Variants in MARCHF1 observed in about 807,000 individuals in gnomAD.
MARCHF1 encodes the protein E3 ubiquitin-protein ligase MARCHF1.
In MARCHF1, 40 loss-of-function variants were observed where a neutral mutation model predicts 54.2. The ratio of observed to expected loss-of-function variants is 0.74; its 90% CI spans 0.57 to 0.96. The LOEUF (loss-of-function observed/expected upper bound fraction) is 0.96, where lower values mean the gene tolerates loss of function less well. Among genes scored for constraint, MARCHF1 ranks in the 40% least tolerant of loss-of-function variants. The probability of loss-of-function intolerance (pLI) is 0.00; values close to 1 mark genes in which losing one functional copy is unlikely to be tolerated. For missense variants in MARCHF1, 586 were observed against 656.5 expected (o/e 0.89, Z 1.17); for synonymous variants, 236 against 236.3 (o/e 1.00, Z 0.01).
rs546431053 is a variant in MARCHF1 at position 164,202,144 on chromosome 4, C to T, written c.-322-90482G>A. ...AGTTACATAAGAAAAAGTTTCAGTACGGGAGCCAAGAGCTTAGGGAGCTGA... is the reference window on the plus strand; with the variant it reads ...AGTTACATAAGAAAAAGTTTCAGTATGGGAGCCAAGAGCTTAGGGAGCTGA... On this transcript the variant is annotated intron_variant, in intron 1 of 9. Transcript: ENST00000514618. Among the ~76,000 whole-genome samples, 14 of 152,212 alleles carry T rather than the reference C, an allele frequency of 9.2e-5. No homozygotes were observed. The South Asian group carries it at 2.3e-3, about 25-fold the overall frequency.
chr4:163,612,810 T>C lies in MARCHF1; in HGVS notation c.471A>G (p.Thr157=). ...CTGTGGAAGATGAATCTGAAGAATC[T>C]GTGTAAAGCTCCCTCCACCTGGGGC... ...ISSPRWRELY[T]DSSDSSSTDE... Residue 157 remains threonine, a synonymous_variant, in exon 7 of 10, where the codon ACA becomes ACG. Transcript: ENST00000514618. The C allele has an allele frequency of 6.5e-7, 1 of 1,535,112 alleles. No individual in the cohort carries two copies. The highest frequency in any genetic ancestry group is 8.7e-7 in the Non-Finnish European group (1 of 1,146,450).
chr4:164,304,266 A>C (rs1734639589), intron 1 of MARCHF1, among the ~76,000 whole-genome samples: 1 of 152,220 alleles, frequency 6.6e-6, no homozygotes, highest in South Asian at 2.1e-4. Context: ...CAGGGGAAAA[A>C]CACAAACTGT....
chr4:163,704,102 T>A (rs1042246057), intron 4 of MARCHF1, among the ~76,000 whole-genome samples: 1 of 150,338 alleles, frequency 6.7e-6, no homozygotes, highest in African/African-American at 2.5e-5. Context: ...TAAAAAAGTT[T>A]TTTTTTAATG....
At chr4:164,274,700 G>A (rs1403515401) in intron 1 of MARCHF1, among the ~76,000 whole-genome samples, 1 of 87,102 alleles carries the variant, frequency 1.1e-5, no homozygotes, top group African/African-American at 4.9e-5. Flanking sequence ...TTTTTTAGAC[G>A]GAGTCTCGCT....
At chr4:163,538,846 A>T (rs1738624245) in intron 9 of MARCHF1, among the ~76,000 whole-genome samples, 2 of 152,074 alleles carry the variant, frequency 1.3e-5, no homozygotes, top group African/African-American at 2.4e-5. Flanking sequence ...TGATTGGCTC[A>T]TGCCTCCCGG....
At chr4:163,667,639 T>G (rs115346327) in intron 5 of MARCHF1, among the ~76,000 whole-genome samples, 5,182 of 152,122 alleles carry the variant, frequency 0.034, 131 homozygotes, top group East Asian at 0.085. Context: ...ACTTTTTTTT[T>G]TTTTGAGATG....
chr4:163,891,715 C>T (rs2111271905), intron 3 of MARCHF1, among the ~76,000 whole-genome samples: 1 of 152,250 alleles, frequency 6.6e-6, no homozygotes, highest in African/African-American at 2.4e-5. Flanking sequence ...TTCCTTTTAT[C>T]ATCTAAGGCT....
intron 4 of MARCHF1, among the ~76,000 whole-genome samples, chr4:163,781,729 G>A (rs1747471142): frequency 6.6e-6 from 1 of 152,148 alleles, no homozygotes; most frequent in African/African-American, 2.4e-5. Context: ...TCTGCAGCAG[G>A]AGTAAGGAGA....
chr4:163,626,744 T>A (rs1741884361), intron 5 of MARCHF1, among the ~76,000 whole-genome samples: 2 of 152,052 alleles, frequency 1.3e-5, no homozygotes, highest in Admixed American at 1.3e-4. Context: ...CTGGCCAACA[T>A]GGTGAAACCC....
chr4:163,545,743 A>C lies in MARCHF1; in HGVS notation c.1192T>G (p.Trp398Gly), dbSNP rs1206939788. ...CTTGTGGTCATCTGTAGTTTCTCCC[A>C]CTGCAATCAGAAATGAAGGACACAA... ...METKLKPLRK[W>G]EKLQMTTSER... The change falls in exon 9 of 10, where the codon TGG becomes GGG. Residue 398 changes from tryptophan (W) to glycine (G), a missense_variant and splice_region_variant. Around this residue, in one of 3 missense-constraint regions of MARCHF1, gnomAD observed 93 missense variants for 168.2 expected, o/e 0.55. Transcript: ENST00000514618. 1.2e-6 allele frequency: 2 copies of C among 1,612,536 alleles called. No homozygotes were observed. Among genetic ancestry groups the C allele is most frequent in the Admixed American group, 1.7e-5 (1 of 59,390 alleles).
chr4:163,602,341 T>C (rs1740999873), intron 7 of MARCHF1, among the ~76,000 whole-genome samples: 1 of 152,108 alleles, frequency 6.6e-6, no homozygotes, highest in African/African-American at 2.4e-5. Flanking sequence ...AACAAATTAG[T>C]TTGAAAACAC....
At chr4:163,635,875 A>C (rs1250336430) in intron 5 of MARCHF1, among the ~76,000 whole-genome samples, 1 of 152,200 alleles carries the variant, frequency 6.6e-6, no homozygotes, top group Non-Finnish European at 1.5e-5. Context: ...ATCCAGCAGC[A>C]CATCAAAAAG....
chr4:164,230,146 A>G (rs1262637561), intron 1 of MARCHF1, among the ~76,000 whole-genome samples: 1 of 152,174 alleles, frequency 6.6e-6, no homozygotes, highest in African/African-American at 2.4e-5. Context: ...CTGTAATCCC[A>G]GCACTTTGGG....
intron 3 of MARCHF1, among the ~76,000 whole-genome samples, chr4:163,926,923 C>T (rs2111379425): frequency 6.6e-6 from 1 of 151,546 alleles, no homozygotes; most frequent in South Asian, 2.1e-4. Flanking sequence ...GAATAGAATG[C>T]ATATGTCATA....
rs145894372 is a variant in MARCHF1, at chr4:164,113,172, G to T, written c.-322-1510C>A. Reference sequence around the variant, plus strand: ...CATATTATGTAGTTTAATGAAATTGGTATATTAAAATCCAAGTTCCAAATA... The same window carrying T: ...CATATTATGTAGTTTAATGAAATTGTTATATTAAAATCCAAGTTCCAAATA... On this transcript the variant is annotated intron_variant, in intron 1 of 9. Transcript: ENST00000514618. 5.9e-3 allele frequency among the ~76,000 whole-genome samples: 896 copies of T among 151,852 alleles called. 10 individuals carry two copies. Among genetic ancestry groups the T allele is most frequent in the African/African-American group, 0.021 (852 of 41,420 alleles).
chr4:164,151,653 C>G (rs1440745891), intron 1 of MARCHF1, among the ~76,000 whole-genome samples: 2 of 152,144 alleles, frequency 1.3e-5, no homozygotes, highest in East Asian at 3.9e-4. Context: ...CTCTCCTATT[C>G]CACTGGAGCC....
intron 3 of MARCHF1, among the ~76,000 whole-genome samples, chr4:163,907,991 A>G (rs1392467913): frequency 6.6e-6 from 1 of 152,136 alleles, no homozygotes; most frequent in Non-Finnish European, 1.5e-5. Flanking sequence ...TCAAGTGGCT[A>G]CATATAGCAT....
intron 1 of MARCHF1, among the ~76,000 whole-genome samples, chr4:164,282,732 C>T (rs1448070343): frequency 6.6e-6 from 1 of 151,262 alleles, no homozygotes; most frequent in Non-Finnish European, 1.5e-5. Flanking sequence ...ATCTGAGAGA[C>T]CAGAACATCT....
intron 1 of MARCHF1, among the ~76,000 whole-genome samples, chr4:164,248,901 C>CACATAAT (rs911800953): frequency 1.4e-5 from 2 of 141,668 alleles, no homozygotes; most frequent in Non-Finnish European, 3.0e-5. Context: ...ATAATTCATT[C>CACATAAT]ACATAATTCA....
Sources: allele counts gnomAD v4.1 joint callset (sites outside exome capture counted in the v4.1 genomes callset), GRCh38; gene constraint gnomAD v4.1.1; regional missense constraint gnomAD v4.1.1; transcripts MANE v1.5; gene names NCBI Gene and HGNC (gene_info 2026-07-23, HGNC 2026-07-21).